The following GTF2I variants were observed in gnomAD, a reference collection of about 807,000 sequenced individuals.
The protein encoded by GTF2I is general transcription factor II-I.
In GTF2I, 12 loss-of-function variants were observed where a neutral mutation model predicts 67.6. The ratio of observed to expected loss-of-function variants is 0.18; its 90% CI spans 0.11 to 0.29. The LOEUF (loss-of-function observed/expected upper bound fraction) is 0.29, where lower values mean the gene tolerates loss of function less well. Among genes scored for constraint, GTF2I ranks in the 10% least tolerant of loss-of-function variants. The probability of loss-of-function intolerance (pLI) is 1.00; values close to 1 mark genes in which losing one functional copy is unlikely to be tolerated. For missense variants in GTF2I, 271 were observed against 580.1 expected, an observed-to-expected ratio of 0.47 and a Z score of 5.47; for synonymous variants, 149 against 197.0, an observed-to-expected ratio of 0.76 and a Z score of 2.04.
chr7:74,715,646 A>G (rs1792166448), intron 10 of GTF2I, among the ~76,000 whole-genome samples: 1 of 152,048 alleles, frequency 6.6e-6, no homozygotes, highest in Admixed American at 6.5e-5. Context: ...CCATAAATTC[A>G]AATATTAAGA....
chr7:74,694,235 G>A (rs1788660075), intron 3 of GTF2I, among the ~76,000 whole-genome samples: 1 of 152,212 alleles, frequency 6.6e-6, no homozygotes, highest in Non-Finnish European at 1.5e-5. Flanking sequence ...TGAGATGGGT[G>A]AGGAAGCTGC....
At chr7:74,685,966 T>C (rs782456308) in intron 1 of GTF2I, among the ~76,000 whole-genome samples, 19 of 152,040 alleles carry the variant, frequency 1.2e-4, no homozygotes, top group Non-Finnish European at 1.8e-4. Flanking sequence ...GGTGGGAGAA[T>C]GGCGTGAACC....
intron 6 of GTF2I, among the ~76,000 whole-genome samples, chr7:74,703,945 G>T (rs1790206781): frequency 6.6e-6 from 1 of 152,184 alleles, no homozygotes; most frequent in Non-Finnish European, 1.5e-5. Context: ...TTTGTTGAAA[G>T]TCTTTTGACT....
chr7:74,692,561 A>G (rs1554397316), intron 3 of GTF2I, among the ~76,000 whole-genome samples: 1 of 152,200 alleles, frequency 6.6e-6, no homozygotes, highest in Non-Finnish European at 1.5e-5. Context: ...ACATTGGAAC[A>G]GTGTTGAAAT....
chr7:74,677,629 A>G (rs1806011481), intron 1 of GTF2I, among the ~76,000 whole-genome samples: 1 of 151,794 alleles, frequency 6.6e-6, no homozygotes, highest in African/African-American at 2.4e-5. Flanking sequence ...TAAAAAAAAG[A>G]AAATTAGCCG....
intron 1 of GTF2I, among the ~76,000 whole-genome samples, chr7:74,658,515 G>A (rs1304566585): frequency 1.3e-5 from 2 of 148,180 alleles, no homozygotes; most frequent in African/African-American, 2.5e-5. Context: ...CGGTGCGGGG[G>A]CGCGCGCGGT....
intron 1 of GTF2I, among the ~76,000 whole-genome samples, chr7:74,663,106 C>T (rs187267931): frequency 1.3e-4 from 20 of 152,258 alleles, no homozygotes; most frequent in African/African-American, 4.6e-4. Flanking sequence ...ATTTGCATTG[C>T]ATTTCACCTA....
At chr7:74,709,619 A>G (rs1264477248) in intron 8 of GTF2I, among the ~76,000 whole-genome samples, 1 of 151,844 alleles carries the variant, frequency 6.6e-6, no homozygotes, top group African/African-American at 2.4e-5. Flanking sequence ...AAGGGTCTGA[A>G]TCCCCAGTGG....
At chr7:74,682,877 G>A (rs1787385593) in intron 1 of GTF2I, among the ~76,000 whole-genome samples, 1 of 152,030 alleles carries the variant, frequency 6.6e-6, no homozygotes, top group African/African-American at 2.4e-5. Flanking sequence ...TCATAGAAAT[G>A]AAAATTACAA....
intron 1 of GTF2I, among the ~76,000 whole-genome samples, chr7:74,666,260 G>A (rs1203986805): frequency 6.6e-6 from 1 of 152,160 alleles, no homozygotes; most frequent in Non-Finnish European, 1.5e-5. Context: ...TACATGACGT[G>A]AGTAGAATTT....
At chr7:74,752,376 G>A (rs1344777515) in intron 28 of GTF2I, among the ~76,000 whole-genome samples, 1 of 151,044 alleles carries the variant, frequency 6.6e-6, no homozygotes, top group African/African-American at 2.4e-5. Flanking sequence ...CTTGGCATGA[G>A]CTAAATCCTG....
At chr7:74,693,542 A>G (rs1788570588) in intron 3 of GTF2I, among the ~76,000 whole-genome samples, 1 of 151,874 alleles carries the variant, frequency 6.6e-6, no homozygotes, top group Non-Finnish European at 1.5e-5. Flanking sequence ...CTGGTCCCTG[A>G]GACACAATAT....
Position 74,697,833 on chromosome 7 carries a change from A to G in GTF2I, c.239-1128A>G, listed in dbSNP as rs189689474. 3.2e-3 allele frequency among the ~76,000 whole-genome samples: 483 copies of G among 152,106 alleles called. 6 individuals are homozygous for G. Among genetic ancestry groups the G allele is most frequent in the Non-Finnish European group, 2.3e-3 (154 of 67,998 alleles). ...CGCCAGGCTGGAGTGCAGTGGTGCA[A>G]TCTTGGCTCACTGCACCCTCCACCT... On this transcript the variant is annotated intron_variant, in intron 3 of 34. Coordinates refer to ENST00000573035, the MANE Select transcript of GTF2I (RefSeq NM_032999.4).
intron 1 of GTF2I, among the ~76,000 whole-genome samples, chr7:74,666,323 A>G (rs1804965934): frequency 6.6e-6 from 1 of 152,202 alleles, no homozygotes; most frequent in East Asian, 1.9e-4. Flanking sequence ...TAAATAAGGT[A>G]TTGGAAGTGA....
chr7:74,692,598 C>T (rs1788431047), intron 3 of GTF2I, among the ~76,000 whole-genome samples: 1 of 152,154 alleles, frequency 6.6e-6, no homozygotes, highest in South Asian at 2.1e-4. Flanking sequence ...ATACCCACAG[C>T]CTTTCACAGT....
chr7:74,693,253 C>T (rs587679923), intron 3 of GTF2I, among the ~76,000 whole-genome samples: 9 of 146,368 alleles, frequency 6.1e-5, no homozygotes, highest in East Asian at 6.0e-4. Context: ...TTATTGTATC[C>T]GCTGTAGTGG....
intron 9 of GTF2I, among the ~76,000 whole-genome samples, chr7:74,712,672 C>T (rs55634029): frequency 0.022 from 2,155 of 99,002 alleles, 72 homozygotes; most frequent in African/African-American, 0.087. Context: ...TTTTTTTTGG[C>T]GTGGGGGTGG....
chr7:74,688,994 G>C, intron 1 of GTF2I, 130 bp from the exon 2 acceptor site: 1 of 643,284 alleles, frequency 1.6e-6, no homozygotes, highest in East Asian at 2.6e-5. Flanking sequence ...CTTAGTTTCT[G>C]AGCCTTATTT....
intron 9 of GTF2I, 29 bp downstream of exon 9, chr7:74,711,138 C>A: frequency 1.0e-6 from 1 of 991,138 alleles, no homozygotes; most frequent in Non-Finnish European, 1.5e-6. Flanking sequence ...ATTTTTCTTT[C>A]TAAAAATTAT....
Sources: allele counts gnomAD v4.1 joint callset (sites outside exome capture counted in the v4.1 genomes callset), GRCh38; gene constraint gnomAD v4.1.1; transcripts MANE v1.5; gene names NCBI Gene and HGNC (gene_info 2026-07-23, HGNC 2026-07-21).